Variants in TRPC5 observed in about 807,000 individuals in gnomAD.
TRPC5 encodes short transient receptor potential channel 5.
Under a neutral mutation model 56.5 loss-of-function variants are expected in TRPC5, and 9 were observed. The ratio of observed to expected loss-of-function variants is 0.16; its 90% CI spans 0.10 to 0.28. TRPC5 has a LOEUF of 0.28. Among genes scored for constraint, TRPC5 ranks in the 10% least tolerant of loss-of-function variants. TRPC5 has a pLI of 1.00. For missense variants in TRPC5, 469 were observed against 748.9 expected, an observed-to-expected ratio of 0.63 and a Z score of 4.36; for synonymous variants, 282 against 278.5, an observed-to-expected ratio of 1.01 and a Z score of -0.13.
intron 1 of TRPC5, among the ~76,000 whole-genome samples, chrX:112,042,221 G>A (rs1193069137): frequency 9.0e-6 from 1 of 111,397 alleles, no homozygotes; most frequent in Non-Finnish European, 1.9e-5. Context: ...CTTCTGACTG[G>A]TGCCCATGAA....
chrX:111,934,176 T>C (rs146755290), intron 2 of TRPC5, among the ~76,000 whole-genome samples: 2,673 of 110,837 alleles, frequency 0.024, 96 homozygotes, highest in African/African-American at 0.083. Flanking sequence ...TTTTAAGCTT[T>C]TATCCAAAAA....
intron 1 of TRPC5, among the ~76,000 whole-genome samples, chrX:111,964,208 G>A (rs1045923999): frequency 8.9e-6 from 1 of 112,013 alleles, no homozygotes; most frequent in African/African-American, 3.2e-5. Flanking sequence ...GCGATCAACT[G>A]GAAGAAAGGG....
In TRPC5 at chrX:111,887,726, G is replaced by A. The variant is rs183054118; in HGVS notation, c.900+24565C>T. Among the ~76,000 whole-genome samples the A allele has an allele frequency of 1.2e-3, 132 of 111,768 alleles. No homozygotes were observed. The Middle Eastern group carries it at 0.014, about 12-fold the overall frequency. ...TGTGAAAGCACTAGAAACATAAAAC[G>A]CTATAAAAATGTAAGGAATTATTAG... On this transcript the variant is annotated intron_variant, in intron 3 of 10. Coordinates refer to ENST00000262839, the MANE Select transcript of TRPC5 (RefSeq NM_012471.3).
intron 1 of TRPC5, among the ~76,000 whole-genome samples, chrX:112,004,911 G>C (rs1353955556): frequency 9.0e-6 from 1 of 110,978 alleles, no homozygotes; most frequent in African/African-American, 3.3e-5. Flanking sequence ...AGGTTCAAGG[G>C]GGAGAACAAC....
intron 3 of TRPC5, among the ~76,000 whole-genome samples, chrX:111,886,412 T>C (rs1268184601): frequency 8.9e-6 from 1 of 112,870 alleles, no homozygotes; most frequent in African/African-American, 3.2e-5. Flanking sequence ...ATGTATTATC[T>C]AAAATCTGTT....
chrX:111,983,891 C>T (rs1035325833), intron 1 of TRPC5, among the ~76,000 whole-genome samples: 1 of 111,562 alleles, frequency 9.0e-6, no homozygotes, highest in Non-Finnish European at 1.9e-5. Flanking sequence ...CAGAAGACGG[C>T]GTAGCAGGAG....
chrX:111,787,982 G>T (rs886952501), intron 7 of TRPC5, among the ~76,000 whole-genome samples: 2 of 111,897 alleles, frequency 1.8e-5, no homozygotes, highest in African/African-American at 6.5e-5. Flanking sequence ...TCTACCAGAG[G>T]TACAAAGAGG....
At chrX:111,929,382 G>A (rs1446820846) in intron 2 of TRPC5, among the ~76,000 whole-genome samples, 1 of 112,495 alleles carries the variant, frequency 8.9e-6, no homozygotes, top group Non-Finnish European at 1.9e-5. Context: ...CATCAAATTA[G>A]CATTGGCATG....
chrX:111,893,808 C>A (rs1259685102), intron 3 of TRPC5, among the ~76,000 whole-genome samples: 1 of 111,738 alleles, frequency 8.9e-6, no homozygotes, highest in African/African-American at 3.2e-5. Flanking sequence ...CTGTATTGCA[C>A]ACAGTTATTT....
At chrX:112,064,796 C>A (rs757201572) in intron 1 of TRPC5, among the ~76,000 whole-genome samples, 1 of 112,035 alleles carries the variant, frequency 8.9e-6, no homozygotes, top group Admixed American at 9.4e-5. Flanking sequence ...AAGATTAGGC[C>A]GGGTGCAGTG....
At chrX:111,793,167 T>C (rs1386504599) in intron 7 of TRPC5, among the ~76,000 whole-genome samples, 1 of 110,982 alleles carries the variant, frequency 9.0e-6, no homozygotes, top group Admixed American at 9.6e-5. Context: ...TAGTTCATCC[T>C]ACCAACCCTC....
intron 1 of TRPC5, among the ~76,000 whole-genome samples, chrX:112,000,634 C>T (rs888037382): frequency 4.5e-5 from 5 of 111,591 alleles, no homozygotes; most frequent in East Asian, 5.6e-4. Flanking sequence ...AGGGTTGTTG[C>T]GACGATTAGA....
intron 3 of TRPC5, among the ~76,000 whole-genome samples, chrX:111,876,853 C>G (rs1923972792): frequency 9.0e-6 from 1 of 111,312 alleles, no homozygotes; most frequent in East Asian, 2.8e-4. Context: ...TTTGATTTTC[C>G]CTTTCACTTA....
Position 111,772,356 on chromosome X carries a change from A to G in TRPC5, c.*3957T>C, listed in dbSNP as rs1030674289. ...TTAAATGATCTGAACACTTGGATCA[A>G]TTTGCATTGACTATGTCTATATGAG... On this transcript the variant is annotated 3_prime_UTR_variant, in exon 11 of 11. Coordinates refer to ENST00000262839, the MANE Select transcript of TRPC5 (RefSeq NM_012471.3). 2.7e-5 allele frequency among the ~76,000 whole-genome samples: 3 copies of G among 112,379 alleles called. No homozygotes were observed. Among genetic ancestry groups the G allele is most frequent in the African/African-American group, 9.7e-5 (3 of 30,960 alleles).
In TRPC5 at chrX:111,905,653, G is replaced by A. The variant is rs192510571; in HGVS notation, c.900+6638C>T. Reference sequence around the variant, plus strand: ...AAGGCGGCCGGACGCGGTGGCTCACGCCTGTAATCCCAGCACTTTGGGAGG... The same window carrying A: ...AAGGCGGCCGGACGCGGTGGCTCACACCTGTAATCCCAGCACTTTGGGAGG... On this transcript the variant is annotated intron_variant, in intron 3 of 10. Transcript: ENST00000262839. 9.3e-3 allele frequency among the ~76,000 whole-genome samples: 1,039 copies of A among 111,672 alleles called. 41 individuals are homozygous for A. The highest frequency in any genetic ancestry group is 0.086 in the Admixed American group (909 of 10,558).
At chrX:112,061,759 G>A (rs1930464675) in intron 1 of TRPC5, among the ~76,000 whole-genome samples, 1 of 111,596 alleles carries the variant, frequency 9.0e-6, no homozygotes, top group African/African-American at 3.3e-5. Context: ...GGAGAAAATA[G>A]TGGGAGAAGG....
At chrX:111,899,426 CAAGAA>C (rs1489214174) in intron 3 of TRPC5, among the ~76,000 whole-genome samples, 4 of 109,863 alleles carry the variant, frequency 3.6e-5, no homozygotes, top group African/African-American at 1.3e-4. Context: ...GAGAGAGAGA[CAAGAA>C]AAGATGATGG....
chrX:111,823,019 C>T (rs3027742), intron 7 of TRPC5, among the ~76,000 whole-genome samples: 24,927 of 111,474 alleles, frequency 0.22, 6,395 homozygotes, highest in African/African-American at 0.75. Flanking sequence ...GTCCTCATCC[C>T]ATTTCCACTT....
chrX:112,043,846 A>T (rs1224003913), intron 1 of TRPC5, among the ~76,000 whole-genome samples: 2 of 111,298 alleles, frequency 1.8e-5, no homozygotes, highest in Non-Finnish European at 3.8e-5. Flanking sequence ...ATTAGATTTT[A>T]AAATCTAATT....
Sources: allele counts gnomAD v4.1 joint callset (sites outside exome capture counted in the v4.1 genomes callset), GRCh38; gene constraint gnomAD v4.1.1; transcripts MANE v1.5; gene names NCBI Gene and HGNC (gene_info 2026-07-23, HGNC 2026-07-21).